TRERF1: variants seen among roughly 807,000 people sequenced by gnomAD.
TRERF1 encodes the protein transcriptional-regulating factor 1.
A neutral mutation model predicts 122.9 loss-of-function variants in TRERF1; 27 were observed. That is an observed-to-expected ratio of 0.22 (90% CI 0.16 to 0.30). The LOEUF is 0.30. Among genes scored for constraint, TRERF1 ranks in the 10% least tolerant of loss-of-function variants. The pLI is 1.00. For missense variants in TRERF1, 1,248 were observed against 1,560.3 expected, an observed-to-expected ratio of 0.80 and a Z score of 3.37; for synonymous variants, 636 against 641.7, an observed-to-expected ratio of 0.99 and a Z score of 0.13.
At chr6:42,431,843 C>A (rs1784549709) in intron 2 of TRERF1, among the ~76,000 whole-genome samples, 1 of 152,120 alleles carries the variant, frequency 6.6e-6, no homozygotes, top group Non-Finnish European at 1.5e-5. Context: ...TCAATGGAAG[C>A]TTCTGTCCCA....
intron 4 of TRERF1, among the ~76,000 whole-genome samples, chr6:42,288,574 C>CAAAAAAAAAAAAAAAAA (rs3074797): frequency 1.4e-4 from 12 of 86,540 alleles, no homozygotes; most frequent in African/African-American, 5.8e-4. Context: ...ATCTCAAAAC[C>CAAAAAAAAAAAAAAAAA]AAAAAAAAAA....
chr6:42,419,559 G>T (rs577032255), intron 2 of TRERF1, among the ~76,000 whole-genome samples: 2 of 152,186 alleles, frequency 1.3e-5, no homozygotes, highest in Admixed American at 1.3e-4. Context: ...ACACTGGGGG[G>T]ATTCACAAGA....
intron 2 of TRERF1, among the ~76,000 whole-genome samples, chr6:42,417,837 A>G (rs1270079655): frequency 6.6e-6 from 1 of 152,242 alleles, no homozygotes; most frequent in East Asian, 1.9e-4. Context: ...TTGCATTCAA[A>G]GAAATGGCTA....
intron 4 of TRERF1, among the ~76,000 whole-genome samples, chr6:42,292,066 A>C (rs1287711732): frequency 6.6e-6 from 1 of 152,136 alleles, no homozygotes; most frequent in East Asian, 1.9e-4. Context: ...CAGTAATAAT[A>C]ATACCTACTG....
chr6:42,448,983 T>C (rs1373073457), intron 2 of TRERF1, among the ~76,000 whole-genome samples: 5 of 152,362 alleles, frequency 3.3e-5, no homozygotes, highest in Middle Eastern at 6.8e-3. Flanking sequence ...CATTTTATTA[T>C]ACAAGCAGCA....
Position 42,268,927 on chromosome 6 carries a change from G to C in TRERF1, c.664C>G (p.Gln222Glu). The change falls in exon 5 of 18, where the codon CAG (glutamine) becomes GAG (glutamate). Residue 222 changes from glutamine to glutamate, a missense_variant. Coordinates refer to ENST00000372922, the Ensembl canonical transcript of TRERF1. This position sits in a 1 kb window ranked among gnomAD's most constrained non-coding sequence, Gnocchi z 4.4. ...CCTTGGGTAGGGTGCTGCCCGACCT[G>C]AAGAGCTGGTTTGGACAGCCCACCA... 2 of 1,612,744 alleles carry C rather than the reference G, an allele frequency of 1.2e-6. No individual in the cohort carries two copies. Among genetic ancestry groups the C allele is most frequent in the Non-Finnish European group, 1.7e-6 (2 of 1,178,948 alleles).
At chr6:42,309,496 A>G (rs1168622783) in intron 3 of TRERF1, among the ~76,000 whole-genome samples, 1 of 152,200 alleles carries the variant, frequency 6.6e-6, no homozygotes, top group Non-Finnish European at 1.5e-5. Flanking sequence ...TCTCTGTGTT[A>G]TATGTGCAAA....
At chr6:42,343,572 C>G (rs896695949) in intron 3 of TRERF1, among the ~76,000 whole-genome samples, 9 of 152,164 alleles carry the variant, frequency 5.9e-5, no homozygotes, top group Non-Finnish European at 4.4e-5. Context: ...CTGGTCCTCC[C>G]AACCCCCTTC....
chr6:42,437,670 C>T (rs1200352860), intron 2 of TRERF1, among the ~76,000 whole-genome samples: 1 of 152,058 alleles, frequency 6.6e-6, no homozygotes, highest in Non-Finnish European at 1.5e-5. Context: ...GTAGGATAAG[C>T]AAGGGGGAAA....
chr6:42,400,615 C>T (rs769648392), intron 2 of TRERF1, among the ~76,000 whole-genome samples: 1 of 152,196 alleles, frequency 6.6e-6, no homozygotes, highest in Non-Finnish European at 1.5e-5. Context: ...CAGCAGCATC[C>T]TTGTGAGACT....
chr6:42,427,363 T>G (rs528024865), intron 2 of TRERF1, among the ~76,000 whole-genome samples: 5 of 152,134 alleles, frequency 3.3e-5, no homozygotes, highest in African/African-American at 1.2e-4. Flanking sequence ...GCTCAAGAAA[T>G]TCTCCCACTT....
chr6:42,333,008 C>G lies in TRERF1; in HGVS notation c.-371+29989G>C, dbSNP rs182057783. 8.5e-4 allele frequency among the ~76,000 whole-genome samples: 130 copies of G among 152,132 alleles called. 2 individuals are homozygous for G. Among genetic ancestry groups the G allele is most frequent in the African/African-American group, 3.0e-3 (124 of 41,486 alleles). On this transcript the variant is annotated intron_variant, in intron 3 of 17. Transcript: ENST00000372922. ...AGGGACTGTTGGAAGGTAAAAGAAC[C>G]AATCTTTACCCGTAAGAAGAGCCTA... is the stretch of plus-strand genomic sequence containing the variant.
intron 2 of TRERF1, among the ~76,000 whole-genome samples, chr6:42,385,499 T>C (rs1369119434): frequency 6.6e-6 from 1 of 152,196 alleles, no homozygotes; most frequent in African/African-American, 2.4e-5. Context: ...TAATAACCAC[T>C]GCCAGGAACG....
intron 14 of TRERF1, among the ~76,000 whole-genome samples, chr6:42,245,314 C>T (rs989395221): frequency 9.2e-5 from 14 of 152,164 alleles, no homozygotes; most frequent in African/African-American, 2.4e-4. Flanking sequence ...GAGATGGAGG[C>T]GGAGGCGAGG....
Position 42,394,929 on chromosome 6 carries a change from G to A in TRERF1, c.-453-31850C>T, listed in dbSNP as rs145480352. On this transcript the variant is annotated intron_variant, in intron 2 of 17. Transcript: ENST00000372922. ...CACCAAGCCAATCTTCTTCACTACCGCCCACCACAGCCCACTTCGTTTAAA... is the reference window on the plus strand; with the variant it reads ...CACCAAGCCAATCTTCTTCACTACCACCCACCACAGCCCACTTCGTTTAAA... 3.5e-3 allele frequency among the ~76,000 whole-genome samples: 526 copies of A among 152,178 alleles called. 4 individuals are homozygous for A. In the South Asian group the frequency reaches 0.038, roughly 11 times the overall value.
chr6:42,245,089 G>A (rs147080436), intron 14 of TRERF1, among the ~76,000 whole-genome samples: 111 of 152,342 alleles, frequency 7.3e-4, no homozygotes, highest in African/African-American at 2.3e-3. Flanking sequence ...GACAGTGCCC[G>A]TCCCAGAGAG....
intron 2 of TRERF1, among the ~76,000 whole-genome samples, chr6:42,373,748 T>C (rs1446235640): frequency 1.3e-5 from 2 of 150,620 alleles, no homozygotes; most frequent in Non-Finnish European, 3.0e-5. Flanking sequence ...GGAGAATCGC[T>C]TGAACCTGGG....
chr6:42,420,172 C>A (rs956547466), intron 2 of TRERF1, among the ~76,000 whole-genome samples: 2 of 152,192 alleles, frequency 1.3e-5, no homozygotes, highest in African/African-American at 2.4e-5. Flanking sequence ...ACCTCCCTTC[C>A]CAGGACTTAG....
rs146672046 is a variant in TRERF1, at chr6:42,272,061, T to C, written c.-258-2213A>G. ...TAAATTTAAAACAGTGATGTAATAG[T>C]TTTGCTTAAAAATATCAATGTTTAC... On this transcript the variant is annotated intron_variant, in intron 4 of 17. Transcript: ENST00000372922. Among the ~76,000 whole-genome samples, 37 of 152,352 alleles carry C rather than the reference T, an allele frequency of 2.4e-4. No homozygotes were observed. In the East Asian group the frequency reaches 6.9e-3, roughly 29 times the overall value.
Sources: gnomAD v4.1 joint callset for allele counts (sites outside exome capture counted in the v4.1 genomes callset) on GRCh38, gnomAD v4.1.1 for gene constraint, Gnocchi (gnomAD v3.1) non-coding constraint, MANE v1.5 for transcripts, NCBI Gene and HGNC (gene_info 2026-07-23, HGNC 2026-07-21) for gene names.